Variants in FAM76A observed in about 807,000 individuals in gnomAD.
FAM76A encodes the protein family with sequence similarity 76 member A, also known as protein FAM76A.
FAM76A carries 32 observed loss-of-function variants against 46.2 expected under a neutral mutation model. That is an observed-to-expected ratio of 0.69 (90% confidence interval 0.52 to 0.93). The LOEUF (loss-of-function observed/expected upper bound fraction) is 0.93. Ranked by LOEUF, FAM76A falls within the 40% of genes least tolerant of loss-of-function variation. The pLI is 0.00. For synonymous variants in FAM76A, 137 were observed against 127.0 expected (o/e 1.08, Z -0.53); for missense variants, 274 against 361.5 (o/e 0.76, Z 1.96).
Position 27,759,601 on chromosome 1 carries a change from C to G in FAM76A, c.811C>G (p.His271Asp). 1 of 1,613,380 alleles carries G rather than the reference C, an allele frequency of 6.2e-7. No individual in the cohort carries two copies. The highest frequency in any genetic ancestry group is 8.5e-7 in the Non-Finnish European group (1 of 1,179,728). The change falls in exon 8 of 9, where the codon CAC (histidine) becomes GAC (aspartate). Residue 271 changes from histidine to aspartate, a missense_variant. Transcript: ENST00000373954. ...RAKMNQMEKTHKEVTEQLQAK... is the reference protein window; with the variant it reads ...RAKMNQMEKTDKEVTEQLQAK... ...CAAAATGAACCAGATGGAGAAAACC[C>G]ACAAAGAAGTCACAGAACAACTGCA...
chr1:27,726,085 C>A lies in FAM76A; in HGVS notation c.5C>A (p.Ala2Glu). The A allele has an allele frequency of 3.2e-6, 4 of 1,260,224 alleles. No homozygotes were observed. The Admixed American group carries it at 1.1e-4, about 36-fold the overall frequency. 78.1% of individuals were successfully genotyped at this position (1,260,224 alleles called of 1,614,324 possible). A position where few individuals can be genotyped will look rare whatever the true frequency, so the allele number is the denominator to read the frequency against. Residue 2 changes from alanine to glutamate, a missense_variant, in exon 1 of 9, where the codon GCG becomes GAG. Coordinates refer to ENST00000373954, the MANE Select transcript of FAM76A (RefSeq NM_152660.3). ...TGAGCGCGGCCCGGGCCGGACATGG[C>A]GGCGCTCTACGCCTGCACCAAGTGC... M[A>E]ALYACTKCHQ...
At chr1:27,732,681 A>G in intron 3 of FAM76A, 24 bp downstream of exon 3, 1 of 1,596,684 alleles carries the variant, frequency 6.3e-7, no homozygotes, top group Non-Finnish European at 8.6e-7. Flanking sequence ...TTTCAAACCT[A>G]ACAGTGAGTA....
intron 6 of FAM76A, among the ~76,000 whole-genome samples, chr1:27,750,735 A>G (rs1336094524): frequency 1.3e-5 from 2 of 152,204 alleles, no homozygotes; most frequent in Non-Finnish European, 2.9e-5. Flanking sequence ...ATTGCTATGG[A>G]TACACCAAGC....
chr1:27,759,360 A>T (rs183693134), intron 7 of FAM76A, among the ~76,000 whole-genome samples, 166 bp from the exon 8 acceptor site: 2 of 152,234 alleles, frequency 1.3e-5, no homozygotes, highest in South Asian at 4.1e-4. Flanking sequence ...TTTTCAGGAA[A>T]GCTTTAGAGA....
intron 6 of FAM76A, among the ~76,000 whole-genome samples, chr1:27,750,039 A>G (rs1473761218): frequency 1.3e-5 from 2 of 152,138 alleles, no homozygotes; most frequent in South Asian, 2.1e-4. Context: ...GTTGGGACCA[A>G]CCATTTTTCT....
intron 6 of FAM76A, among the ~76,000 whole-genome samples, chr1:27,754,010 A>G (rs1318346874): frequency 6.6e-6 from 1 of 151,302 alleles, no homozygotes; most frequent in Non-Finnish European, 1.5e-5. Context: ...AAAGCTATGG[A>G]TCCTCACTCT....
At chr1:27,732,423 G>A (rs76507279) in intron 2 of FAM76A, among the ~76,000 whole-genome samples, 180 bp from the exon 3 acceptor site, 18,660 of 152,150 alleles carry the variant, frequency 0.12, 2,802 homozygotes, top group African/African-American at 0.35. Flanking sequence ...GTGAGACTCT[G>A]TCTCAAAAAT....
At chr1:27,740,069 C>T in intron 4 of FAM76A, 2 of 408,786 alleles carry the variant, frequency 4.9e-6, no homozygotes, top group East Asian at 5.7e-5. Flanking sequence ...TGGATGGGCA[C>T]TTTGTTCCCA....
rs2087999731 is a variant in FAM76A, at chr1:27,733,892, A to G, written c.202-139A>G. ...AAAAAGAATTGGGCTTCATTTGGTC[A>G]ATATAAAAGCAGATTTATGAAGTCG... is the stretch of plus-strand genomic sequence containing the variant. On this transcript the variant is annotated intron_variant, in intron 3 of 8. Transcript: ENST00000373954. 1.8e-5 allele frequency: 15 copies of G among 818,440 alleles called. No homozygotes were observed. The South Asian group carries it at 2.9e-4, about 16-fold the overall frequency. 50.7% of individuals were successfully genotyped at this position (818,440 alleles called of 1,614,324 possible).
intron 3 of FAM76A, among the ~76,000 whole-genome samples, chr1:27,733,283 A>G (rs576776881): frequency 6.6e-6 from 1 of 152,150 alleles, no homozygotes; most frequent in Non-Finnish European, 1.5e-5. Flanking sequence ...TTGACTAGTC[A>G]TTTTGATGAA....
rs968870414 is a variant in FAM76A, at chr1:27,758,688, T to TG, written c.736-838_736-837insG. Among the ~76,000 whole-genome samples the TG allele has an allele frequency of 2.2e-4, 33 of 149,708 alleles. No homozygotes were observed. In the East Asian group the frequency reaches 2.9e-3, roughly 13 times the overall value. Reference sequence around the variant, plus strand: ...AGCTATTTTAATTTTCGTTTTTTTTTTTTTTTTTTTTGTAGACATGGGGTT... The same window carrying TG: ...AGCTATTTTAATTTTCGTTTTTTTTTGTTTTTTTTTTTGTAGACATGGGGTT... On this transcript the variant is annotated intron_variant, in intron 7 of 8. Transcript: ENST00000373954.
At chr1:27,739,468 T>A (rs2088113211) in intron 4 of FAM76A, 1 of 444,826 alleles carries the variant, frequency 2.2e-6, no homozygotes, top group African/African-American at 2.0e-5. Flanking sequence ...ATGTCTCGAT[T>A]TTCTGATTTG....
At chr1:27,748,467 A>G (rs1490776276) in intron 5 of FAM76A, among the ~76,000 whole-genome samples, 1 of 138,842 alleles carries the variant, frequency 7.2e-6, no homozygotes, top group Non-Finnish European at 1.5e-5. Context: ...CTTCTTATTG[A>G]AGTTTTTTTT....
intron 5 of FAM76A, among the ~76,000 whole-genome samples, chr1:27,745,243 A>ATG (rs908014550): frequency 3.3e-5 from 5 of 152,048 alleles, no homozygotes; most frequent in Non-Finnish European, 7.4e-5. Context: ...CTTTCAGAGT[A>ATG]TCTAGTATTG....
intron 4 of FAM76A, chr1:27,739,229 C>A: frequency 2.0e-6 from 1 of 491,954 alleles, no homozygotes; most frequent in Non-Finnish European, 4.1e-6. Context: ...GCATGCTGAA[C>A]CAGGGGCTGA....
chr1:27,726,877 G>A (rs1351088494), intron 1 of FAM76A, among the ~76,000 whole-genome samples: 1 of 152,146 alleles, frequency 6.6e-6, no homozygotes, highest in African/African-American at 2.4e-5. Flanking sequence ...TAGAGGTGCT[G>A]TGAGGCAACA....
At chr1:27,735,265 T>C (rs1184530436) in intron 4 of FAM76A, among the ~76,000 whole-genome samples, 1 of 152,220 alleles carries the variant, frequency 6.6e-6, no homozygotes, top group Non-Finnish European at 1.5e-5. Flanking sequence ...CCTTAGTCAT[T>C]ATTTATCATA....
chr1:27,751,463 G>A (rs1343803621), intron 6 of FAM76A, among the ~76,000 whole-genome samples: 2 of 141,064 alleles, frequency 1.4e-5, no homozygotes, highest in Non-Finnish European at 3.1e-5. Flanking sequence ...CTTTTTTAAT[G>A]TCATCCAAAC....
intron 7 of FAM76A, among the ~76,000 whole-genome samples, chr1:27,758,120 C>G (rs930400678): frequency 1.2e-4 from 18 of 152,160 alleles, no homozygotes; most frequent in Non-Finnish European, 2.5e-4. Context: ...TGCTGTGATT[C>G]ATTCTGAATA....
Sources: allele counts gnomAD v4.1 joint callset (sites outside exome capture counted in the v4.1 genomes callset), GRCh38; gene constraint gnomAD v4.1.1; transcripts MANE v1.5; gene names NCBI Gene and HGNC (gene_info 2026-07-23, HGNC 2026-07-21).